RAPH1: variants seen among roughly 807,000 people sequenced by gnomAD.
RAPH1 encodes Ras association (RalGDS/AF-6) and pleckstrin homology domains 1.
RAPH1 carries 18 observed loss-of-function variants against 88.1 expected under a neutral mutation model. The observed-to-expected ratio is 0.20, with a 90% CI of 0.14 to 0.30. The LOEUF is 0.30. RAPH1 is among the 10% of genes least tolerant of loss of function. The probability of loss-of-function intolerance (pLI) is 1.00; values close to 1 mark genes in which losing one functional copy is unlikely to be tolerated. For missense variants in RAPH1, 1,448 were observed against 1,543.2 expected (o/e 0.94, Z 1.03); for synonymous variants, 587 against 559.0 (o/e 1.05, Z -0.71).
chr2:203,491,001 G>A (rs1479155281), intron 3 of RAPH1, among the ~76,000 whole-genome samples: 1 of 147,686 alleles, frequency 6.8e-6, no homozygotes, highest in African/African-American at 2.5e-5. Context: ...CCGAGACTGT[G>A]CCACTGAACT....
chr2:203,523,258 T>C (rs2105975300), intron 1 of RAPH1, among the ~76,000 whole-genome samples: 2 of 151,958 alleles, frequency 1.3e-5, no homozygotes, highest in African/African-American at 4.8e-5. Context: ...CTGGGCGTGG[T>C]GGCGGGCGCC....
chr2:203,457,594 T>C lies in RAPH1; in HGVS notation c.1094A>G (p.Asn365Ser), dbSNP rs766245668. The C allele has an allele frequency of 4.5e-5, 72 of 1,608,888 alleles. No individual in the cohort carries two copies. Among genetic ancestry groups the C allele is most frequent in the Non-Finnish European group, 6.0e-5 (70 of 1,175,406 alleles). The change falls in exon 8 of 14, where the codon AAT (asparagine) becomes AGT (serine). Residue 365 changes from asparagine to serine, a missense_variant and splice_region_variant. Physicochemically the swap from Asn to Ser is conservative, Grantham distance 46 (BLOSUM62 1). Around this residue, in one of 2 missense-constraint regions of RAPH1, gnomAD observed 513 missense variants for 653.1 expected, o/e 0.79. Coordinates refer to ENST00000319170, the MANE Select transcript of RAPH1 (RefSeq NM_213589.3). ...TGTTTCTTTTTTCCCCAAAAGATAA[T>C]TCTGGAAAAACAAACATATGGAAGG... ...EKYALFKNPQNYLLGKKETAE... is the reference protein window; with the variant it reads ...EKYALFKNPQSYLLGKKETAE...
chr2:203,476,272 G>C (rs978600265), intron 4 of RAPH1, among the ~76,000 whole-genome samples: 7 of 152,058 alleles, frequency 4.6e-5, no homozygotes, highest in African/African-American at 1.7e-4. Context: ...TTGGGTTCAA[G>C]CAATTCTTCT....
rs1206368538 is a variant in RAPH1, at chr2:203,433,861, G to GAT, written c.*5574_*5575dup. 6.6e-6 allele frequency: 1 copy of GAT among 152,454 alleles called. No homozygotes were observed. The highest frequency in any genetic ancestry group is 6.6e-5 in the Admixed American group (1 of 15,256). 9.4% of individuals were successfully genotyped at this position (152,454 alleles called of 1,614,324 possible). Reference sequence around the variant, plus strand: ...TTTTTTATTAAGGATTTGATAAGCTGATATAATGAAAACATGTAAATGAAA... The same window carrying GAT: ...TTTTTTATTAAGGATTTGATAAGCTGATATATAATGAAAACATGTAAATGAAA... On this transcript the variant is annotated 3_prime_UTR_variant, in exon 14 of 14. Transcript: ENST00000319170.
chr2:203,435,361 A>ATC lies in RAPH1; in HGVS notation c.*4074_*4075dup, dbSNP rs2098497617. 1 of 110,840 alleles carries ATC rather than the reference A, an allele frequency of 9.0e-6. No individual in the cohort carries two copies. Among genetic ancestry groups the ATC allele is most frequent in the African/African-American group, 3.6e-5 (1 of 27,842 alleles). 6.9% of individuals were successfully genotyped at this position (110,840 alleles called of 1,614,324 possible). ...GCCTGGGCAACACAGTGAGACCCCC[A>ATC]TCTCTACCAAAAAAAAAAAAAAACC... is the stretch of plus-strand genomic sequence containing the variant. On this transcript the variant is annotated 3_prime_UTR_variant, in exon 14 of 14. Transcript: ENST00000319170.
chr2:203,458,043 T>A (rs1237754604), intron 7 of RAPH1, among the ~76,000 whole-genome samples: 2 of 152,172 alleles, frequency 1.3e-5, no homozygotes, highest in Non-Finnish European at 2.9e-5. Flanking sequence ...CTGGGACTCA[T>A]TTATTAATAA....
intron 4 of RAPH1, among the ~76,000 whole-genome samples, chr2:203,464,379 C>T (rs370920279): frequency 5.9e-5 from 9 of 152,358 alleles, no homozygotes; most frequent in African/African-American, 2.2e-4. Context: ...TCAAGCGATT[C>T]TCCTGCCTCA....
chr2:203,516,316 A>C (rs1427194645), intron 1 of RAPH1, among the ~76,000 whole-genome samples: 1 of 152,274 alleles, frequency 6.6e-6, no homozygotes, highest in Admixed American at 6.5e-5. Flanking sequence ...CTCAATTAAA[A>C]GGCAGAAAAA....
chr2:203,534,801 G>C (rs992952437), intron 1 of RAPH1, among the ~76,000 whole-genome samples: 4 of 151,456 alleles, frequency 2.6e-5, no homozygotes, highest in African/African-American at 7.3e-5. Flanking sequence ...GTGCTGGGTC[G>C]GAGAAGCCTA....
Position 203,470,169 on chromosome 2 carries a change from G to T in RAPH1, c.733-8244C>A. 3.0e-6 allele frequency: 3 copies of T among 1,009,292 alleles called. No individual in the cohort carries two copies. In the South Asian group the frequency reaches 4.5e-5, roughly 15 times the overall value. 62.5% of individuals were successfully genotyped at this position (1,009,292 alleles called of 1,614,324 possible). Reference sequence around the variant, plus strand: ...TAAGAAAATAATAATATAAGAGCATGATCAAAAACAGAAATCATATTCTAC... The same window carrying T: ...TAAGAAAATAATAATATAAGAGCATTATCAAAAACAGAAATCATATTCTAC... On this transcript the variant is annotated intron_variant, in intron 4 of 13. Coordinates refer to ENST00000319170, the MANE Select transcript of RAPH1 (RefSeq NM_213589.3).
chr2:203,518,532 AAAAAAAC>A (rs1158287050), intron 1 of RAPH1, among the ~76,000 whole-genome samples: 2 of 93,076 alleles, frequency 2.1e-5, no homozygotes, highest in Non-Finnish European at 2.6e-5. Context: ...CAAAAAAAAC[AAAAAAAC>A]AAAAAAAAAA....
At chr2:203,528,354 T>G (rs1190307530) in intron 1 of RAPH1, among the ~76,000 whole-genome samples, 1 of 152,230 alleles carries the variant, frequency 6.6e-6, no homozygotes, top group Non-Finnish European at 1.5e-5. Context: ...AACACAGTTT[T>G]GGTGGATTTT....
intron 1 of RAPH1, among the ~76,000 whole-genome samples, chr2:203,505,890 T>C (rs996559481): frequency 6.6e-6 from 1 of 152,204 alleles, no homozygotes; most frequent in Non-Finnish European, 1.5e-5. Context: ...GACCTTTTGC[T>C]GTTATACTAC....
At chr2:203,444,261 G>T (rs1334166711) in intron 13 of RAPH1, 1 of 151,814 alleles carries the variant, frequency 6.6e-6, no homozygotes, top group Non-Finnish European at 1.5e-5. Flanking sequence ...GTGAAACCCT[G>T]TCTCTACTAA....
chr2:203,479,229 T>TA (rs1559474307), intron 4 of RAPH1, among the ~76,000 whole-genome samples: 3 of 152,230 alleles, frequency 2.0e-5, no homozygotes, highest in African/African-American at 2.4e-5. Context: ...AATTTTTCTT[T>TA]AAAAAATCTA....
chr2:203,452,124 C>T (rs1388275286), intron 10 of RAPH1, among the ~76,000 whole-genome samples: 1 of 152,146 alleles, frequency 6.6e-6, no homozygotes, highest in African/African-American at 2.4e-5. Flanking sequence ...TCACTGACAA[C>T]CTTGAGCCAC....
intron 6 of RAPH1, among the ~76,000 whole-genome samples, chr2:203,460,521 G>A (rs553623932): frequency 3.3e-5 from 5 of 152,088 alleles, no homozygotes; most frequent in South Asian, 2.1e-4. Flanking sequence ...TAAAGAACAC[G>A]TTCTAGATAT....
intron 1 of RAPH1, among the ~76,000 whole-genome samples, chr2:203,534,501 T>C (rs1430595208): frequency 0.083 from 1,013 of 12,236 alleles, 3 homozygotes; most frequent in Admixed American, 0.14. Flanking sequence ...GCCCCCTCCC[T>C]CCGTCCACCC....
rs569146060 is a variant in RAPH1 at position 203,448,690 on chromosome 2, A to G, written c.1512+48T>C. Reference sequence around the variant, plus strand: ...TTGTCATGAAAACGAAAACTATATCATCGACAAACACCTCATTATTCCATC... The same window carrying G: ...TTGTCATGAAAACGAAAACTATATCGTCGACAAACACCTCATTATTCCATC... On this transcript the variant is annotated intron_variant, in intron 11 of 13. Coordinates refer to ENST00000319170, the MANE Select transcript of RAPH1 (RefSeq NM_213589.3). This position sits in a 1 kb window ranked among gnomAD's most constrained non-coding sequence, Gnocchi z 4.1. The G allele has an allele frequency of 7.6e-7, 1 of 1,312,908 alleles. No homozygotes were observed. Among genetic ancestry groups the G allele is most frequent in the African/African-American group, 1.5e-5 (1 of 66,870 alleles). The allele number at this position is 1,312,908 out of a possible 1,614,324, so 81.3% of individuals were successfully genotyped here.
Sources: gnomAD v4.1 joint callset for allele counts (sites outside exome capture counted in the v4.1 genomes callset) on GRCh38, gnomAD v4.1.1 for gene constraint, gnomAD v4.1.1 regional missense constraint, Gnocchi (gnomAD v3.1) non-coding constraint, MANE v1.5 for transcripts, NCBI Gene and HGNC (gene_info 2026-07-23, HGNC 2026-07-21) for gene names.